Variants in GRM5 observed in about 807,000 individuals in gnomAD.
The protein encoded by GRM5 is glutamate metabotropic receptor 5, also known as metabotropic glutamate receptor 5.
In GRM5, 19 loss-of-function variants were observed where a neutral mutation model predicts 83.1. The observed-to-expected ratio is 0.23, with a 90% CI of 0.16 to 0.34. GRM5 has a LOEUF of 0.34. Among genes scored for constraint, GRM5 ranks in the 10% least tolerant of loss-of-function variants. The pLI is 1.00. For synonymous variants in GRM5, 675 were observed against 633.6 expected (o/e 1.07, Z -0.98); for missense variants, 1,160 against 1,588.3 (o/e 0.73, Z 4.58).
At chr11:88,559,839 A>C (rs1247297979) in intron 8 of GRM5, among the ~76,000 whole-genome samples, 1 of 152,194 alleles carries the variant, frequency 6.6e-6, no homozygotes, top group Admixed American at 6.5e-5. Context: ...TCTTTCAATT[A>C]AACAGACAAT....
At chr11:88,836,586 G>A (rs1304374830) in intron 3 of GRM5, among the ~76,000 whole-genome samples, 3 of 152,060 alleles carry the variant, frequency 2.0e-5, no homozygotes, top group Non-Finnish European at 4.4e-5. Context: ...GAAATCAGGA[G>A]TTTGAGACCA....
chr11:89,027,081 CATTTTCTTTCT>C (rs1941144204), intron 2 of GRM5, among the ~76,000 whole-genome samples: 1 of 151,794 alleles, frequency 6.6e-6, no homozygotes, highest in South Asian at 2.1e-4. Context: ...AGCTGTACCA[CATTTTCTTTCT>C]TTTTTCTTTT....
chr11:89,013,484 T>C (rs1281405471), intron 2 of GRM5, among the ~76,000 whole-genome samples: 6 of 152,154 alleles, frequency 3.9e-5, no homozygotes, highest in Admixed American at 6.5e-5. Context: ...GCATCATATA[T>C]TGGTCAGAAT....
intron 3 of GRM5, among the ~76,000 whole-genome samples, chr11:88,718,776 CAG>C (rs1391765321): frequency 4.6e-5 from 7 of 152,038 alleles, no homozygotes; most frequent in African/African-American, 1.4e-4. Flanking sequence ...AGTGAAAGCA[CAG>C]AGTCTAAATC....
At chr11:88,702,093 C>T (rs866894530) in intron 3 of GRM5, among the ~76,000 whole-genome samples, 2 of 151,934 alleles carry the variant, frequency 1.3e-5, no homozygotes, top group Non-Finnish European at 2.9e-5. Context: ...TCTGCTGTCC[C>T]GTTAGCCAAG....
At chr11:88,658,258 T>C (rs1459901177) in intron 3 of GRM5, among the ~76,000 whole-genome samples, 2 of 152,150 alleles carry the variant, frequency 1.3e-5, no homozygotes, top group African/African-American at 2.4e-5. Context: ...TGGGGACCGC[T>C]GTTGTAGAAG....
intron 2 of GRM5, among the ~76,000 whole-genome samples, chr11:88,976,673 T>C (rs1453302595): frequency 2.0e-5 from 3 of 152,188 alleles, no homozygotes; most frequent in Non-Finnish European, 4.4e-5. Context: ...CACTCTATTA[T>C]ATACAGAAGC....
Position 88,602,071 on chromosome 11 carries a change from A to ATT in GRM5, c.1394+2645_1394+2646dup, listed in dbSNP as rs58865828. Among the ~76,000 whole-genome samples, 38 of 151,360 alleles carry ATT rather than the reference A, an allele frequency of 2.5e-4. No individual in the cohort carries two copies. In the Middle Eastern group the frequency reaches 0.01, roughly 41 times the overall value. On this transcript the variant is annotated intron_variant, in intron 5 of 9. Transcript: ENST00000305447. ...ATTGTGAAATCTTTAGAGCTCTGAA[A>ATT]TTTTTTTTTCTTTTTTTTGTAACTC...
chr11:88,658,087 C>T (rs982808599), intron 3 of GRM5, among the ~76,000 whole-genome samples: 5 of 152,074 alleles, frequency 3.3e-5, no homozygotes, highest in African/African-American at 1.2e-4. Context: ...TGAGCATTAC[C>T]TCCTGAGCTC....
intron 3 of GRM5, among the ~76,000 whole-genome samples, chr11:88,796,381 T>C (rs1943273795): frequency 6.6e-6 from 1 of 152,200 alleles, no homozygotes; most frequent in Non-Finnish European, 1.5e-5. Flanking sequence ...TAAAAGATCC[T>C]TAATAATGTA....
At chr11:88,854,058 G>GTATATATATATATATATATATATATATA (rs10525785) in intron 2 of GRM5, among the ~76,000 whole-genome samples, 49 of 121,172 alleles carry the variant, frequency 4.0e-4, no homozygotes, top group Admixed American at 1.4e-3. Context: ...AAAATGTGGT[G>GTATATATATATATATATATATATATATA]TATATATATA....
Position 88,966,725 on chromosome 11 carries a change from G to A in GRM5, c.661+80487C>T, listed in dbSNP as rs559367937. On this transcript the variant is annotated intron_variant, in intron 2 of 9. Coordinates refer to ENST00000305447, the MANE Select transcript of GRM5 (RefSeq NM_001143831.3). Reference sequence around the variant, plus strand: ...AACCTCAAGTTCATGGACTTCAATGGACTTTCATGAATGAGACTTTGAAGT... The same window carrying A: ...AACCTCAAGTTCATGGACTTCAATGAACTTTCATGAATGAGACTTTGAAGT... Among the ~76,000 whole-genome samples, 53 of 152,242 alleles carry A rather than the reference G, an allele frequency of 3.5e-4. 1 individual carries two copies. The highest frequency in any genetic ancestry group is 1.3e-3 in the African/African-American group (52 of 41,562).
intron 8 of GRM5, among the ~76,000 whole-genome samples, chr11:88,560,717 A>T (rs1179257231): frequency 6.6e-6 from 1 of 152,150 alleles, no homozygotes; most frequent in Non-Finnish European, 1.5e-5. Flanking sequence ...TAATCACTGC[A>T]TGGCAAGCAC....
chr11:88,813,089 C>A (rs1943613735), intron 3 of GRM5, among the ~76,000 whole-genome samples: 1 of 152,084 alleles, frequency 6.6e-6, no homozygotes, highest in Non-Finnish European at 1.5e-5. Flanking sequence ...TTAATATTTT[C>A]TCTTTGTGCA....
intron 2 of GRM5, among the ~76,000 whole-genome samples, chr11:88,858,312 A>G (rs1944507107): frequency 6.6e-6 from 1 of 152,092 alleles, no homozygotes; most frequent in African/African-American, 2.4e-5. Context: ...ATAAGTTATA[A>G]GTTTATAACT....
chr11:88,725,619 C>T (rs79422970), intron 3 of GRM5, among the ~76,000 whole-genome samples: 1 of 152,182 alleles, frequency 6.6e-6, no homozygotes, highest in Non-Finnish European at 1.5e-5. Flanking sequence ...GATCGACAGA[C>T]ACCTCATACA....
At chr11:88,613,920 C>T (rs1386200232) in intron 4 of GRM5, among the ~76,000 whole-genome samples, 1 of 152,076 alleles carries the variant, frequency 6.6e-6, no homozygotes, top group Non-Finnish European at 1.5e-5. Context: ...ACATCCATTT[C>T]CCAGGTCAGT....
At chr11:88,606,732 C>G (rs1938152673) in intron 4 of GRM5, among the ~76,000 whole-genome samples, 1 of 151,934 alleles carries the variant, frequency 6.6e-6, no homozygotes, top group Non-Finnish European at 1.5e-5. Flanking sequence ...ATCCCAATGA[C>G]AGAAGAAAAT....
chr11:88,695,432 C>T (rs1940878397), intron 3 of GRM5, among the ~76,000 whole-genome samples: 1 of 152,136 alleles, frequency 6.6e-6, no homozygotes, highest in African/African-American at 2.4e-5. Context: ...CACAAAGGTA[C>T]ATTTCTACTT....
Sources: allele counts gnomAD v4.1 joint callset (sites outside exome capture counted in the v4.1 genomes callset), GRCh38; gene constraint gnomAD v4.1.1; transcripts MANE v1.5; gene names NCBI Gene and HGNC (gene_info 2026-07-23, HGNC 2026-07-21).